Variants in FAP observed in about 807,000 individuals in gnomAD.
FAP encodes prolyl endopeptidase FAP.
A neutral mutation model predicts 126.5 loss-of-function variants in FAP; 110 were observed. The observed-to-expected ratio is 0.87, with a 90% confidence interval of 0.74 to 1.02. The LOEUF (loss-of-function observed/expected upper bound fraction) is 1.02, where lower values mean the gene tolerates loss of function less well. Ranked by LOEUF, FAP falls within the 50% of genes least tolerant of loss-of-function variation. The probability of loss-of-function intolerance (pLI) is 0.00; values close to 1 mark genes in which losing one functional copy is unlikely to be tolerated. For synonymous variants in FAP, 334 were observed against 297.3 expected, an observed-to-expected ratio of 1.12 and a Z score of -1.27; for missense variants, 919 against 909.2, an observed-to-expected ratio of 1.01 and a Z score of -0.14.
chr2:162,199,046 A>AAG (rs1688385582), intron 15 of FAP, among the ~76,000 whole-genome samples, 165 bp from the exon 16 acceptor site: 5 of 152,222 alleles, frequency 3.3e-5, no homozygotes, highest in Non-Finnish European at 5.9e-5. Context: ...ATTTTGATGT[A>AAG]GCTTGATTTT....
intron 2 of FAP, among the ~76,000 whole-genome samples, chr2:162,234,087 A>C (rs1055583778): frequency 6.6e-6 from 1 of 152,192 alleles, no homozygotes; most frequent in East Asian, 1.9e-4. Context: ...TGCCAGTAAC[A>C]CACTGTCTTG....
chr2:162,198,660 G>T, intron 16 of FAP, 97 bp downstream of exon 16: 2 of 1,354,986 alleles, frequency 1.5e-6, no homozygotes, highest in Non-Finnish European at 2.1e-6. Context: ...TATAACAAAT[G>T]CTCATTAACT....
intron 6 of FAP, among the ~76,000 whole-genome samples, chr2:162,222,248 C>A: frequency 6.6e-6 from 1 of 152,142 alleles, no homozygotes; most frequent in East Asian, 1.9e-4. Context: ...ACTCACTAAT[C>A]GAACGTTTCT....
At position 162,197,362 on chromosome 2, in the gene FAP, T is replaced by C. The variant is rs149739414; in HGVS notation, c.1402+1395A>G. 2.3e-3 allele frequency among the ~76,000 whole-genome samples: 343 copies of C among 152,348 alleles called. 3 individuals are homozygous for C. The highest frequency in any genetic ancestry group is 7.8e-3 in the African/African-American group (323 of 41,584). On this transcript the variant is annotated intron_variant, in intron 16 of 25. Transcript: ENST00000188790. ...CAGTATAGTTAGCTCAATGATACTA[T>C]GTGCCTGGCATGTAAGCTTTCAATC...
intron 17 of FAP, among the ~76,000 whole-genome samples, chr2:162,191,913 T>G (rs922286273): frequency 1.3e-5 from 2 of 152,140 alleles, no homozygotes; most frequent in Non-Finnish European, 2.9e-5. Flanking sequence ...GTTCCAACTT[T>G]CATGCAATTC....
At chr2:162,222,501 T>A (rs76799118) in intron 6 of FAP, among the ~76,000 whole-genome samples, 1,882 of 152,302 alleles carry the variant, frequency 0.012, 23 homozygotes, top group Middle Eastern at 0.044. Flanking sequence ...GATAATTTTT[T>A]AAAAAATTTT....
Position 162,218,031 on chromosome 2 carries a change from A to G in FAP, c.717T>C (p.Tyr239=), listed in dbSNP as rs548162158. Residue 239 remains tyrosine (Y), a synonymous_variant, in exon 9 of 26, where the codon TAT becomes TAC. Coordinates refer to ENST00000188790, the MANE Select transcript of FAP (RefSeq NM_004460.5). ...TTGTTCTAGGATATTGTTCATCGCC[A>G]TAATAGGAATAGGCAATAACTGGTA... ...TDIPVIAYSY[Y]GDEQYPRTIN... The G allele has an allele frequency of 1.5e-5, 24 of 1,605,494 alleles. No homozygotes were observed. The South Asian group carries it at 2.1e-4, about 14-fold the overall frequency.
At chr2:162,193,500 G>C (rs1688129456) in intron 17 of FAP, 1 of 152,262 alleles carries the variant, frequency 6.6e-6, no homozygotes, top group South Asian at 2.1e-4. Flanking sequence ...AGAAATTCAT[G>C]CTATGGAAAA....
chr2:162,184,960 T>A (rs1221424047), intron 20 of FAP, among the ~76,000 whole-genome samples: 3 of 152,142 alleles, frequency 2.0e-5, no homozygotes, highest in African/African-American at 7.2e-5. Context: ...TCTGAAAGGA[T>A]GACATTTACA....
intron 20 of FAP, 32 bp from the exon 21 acceptor site, chr2:162,183,500 TAA>T (rs1687762157): frequency 1.6e-6 from 2 of 1,276,172 alleles, no homozygotes; most frequent in East Asian, 4.6e-5. Context: ...TTTAGAATGT[TAA>T]GTGTATACAC....
chr2:162,191,751 C>T (rs1450231996), intron 17 of FAP, among the ~76,000 whole-genome samples: 1 of 152,086 alleles, frequency 6.6e-6, no homozygotes, highest in East Asian at 1.9e-4. Context: ...TTTTAATGAG[C>T]ATTTTCTGTG....
At chr2:162,174,193 T>C (rs894739821) in intron 22 of FAP, among the ~76,000 whole-genome samples, 2 of 152,074 alleles carry the variant, frequency 1.3e-5, no homozygotes, top group Non-Finnish European at 2.9e-5. Flanking sequence ...GGGATGAAAA[T>C]ATGTCCCTCA....
chr2:162,220,046 C>G, intron 6 of FAP, 121 bp from the exon 7 acceptor site: 1 of 681,586 alleles, frequency 1.5e-6, no homozygotes, highest in Admixed American at 2.7e-5. Flanking sequence ...CCTCTGCACC[C>G]ACAAACCTAA....
In FAP at chr2:162,226,735, C is replaced by T. The variant is rs1468150655; in HGVS notation, c.92-114G>A. On this transcript the variant is annotated intron_variant, in intron 2 of 25. Coordinates refer to ENST00000188790, the MANE Select transcript of FAP (RefSeq NM_004460.5). ...ATATAGTAATAAGATCTGCTGTTTG[C>T]TAAGTGGTTGTTGAACTCCTATCAT... 5.1e-6 allele frequency: 3 copies of T among 584,968 alleles called. No homozygotes were observed. In the African/African-American group the frequency reaches 5.9e-5, roughly 12 times the overall value. 36.2% of individuals were successfully genotyped at this position (584,968 alleles called of 1,614,324 possible). A position where few individuals can be genotyped will look rare whatever the true frequency, so the allele number is the denominator to read the frequency against.
At chr2:162,188,424 C>T (rs1319328807) in intron 19 of FAP, 61 bp from the exon 20 acceptor site, 10 of 1,428,458 alleles carry the variant, frequency 7.0e-6, no homozygotes, top group Non-Finnish European at 8.7e-6. Flanking sequence ...AATTTCCCAT[C>T]CTGGCCAAGC....
chr2:162,219,999 G>GA (rs1450769532), intron 6 of FAP, 74 bp from the exon 7 acceptor site: 8 of 1,008,784 alleles, frequency 7.9e-6, no homozygotes, highest in South Asian at 4.1e-5. Context: ...TGTATGAACA[G>GA]AAAAAATAAA....
At chr2:162,178,002 C>G in intron 21 of FAP, among the ~76,000 whole-genome samples, 1 of 152,172 alleles carries the variant, frequency 6.6e-6, no homozygotes, top group South Asian at 2.1e-4. Flanking sequence ...ACTCAGGACA[C>G]TTGTCTCAGC....
rs769019096 is a variant in FAP at position 162,203,187 on chromosome 2, A to T, written c.1048-42T>A. The stretch of plus-strand genomic sequence containing the variant: ...GAGGTTATGTTCAAAAGACAAACCA[A>T]ACTAAAACCATAGATTTTGTTTTAA... On this transcript the variant is annotated intron_variant, in intron 12 of 25. Coordinates refer to ENST00000188790, the MANE Select transcript of FAP (RefSeq NM_004460.5). 16 of 1,319,524 alleles carry T rather than the reference A, an allele frequency of 1.2e-5. No homozygotes were observed. In the African/African-American group the frequency reaches 1.3e-4, roughly 11 times the overall value. The allele number at this position is 1,319,524 out of a possible 1,614,324, so 81.7% of individuals were successfully genotyped here.
chr2:162,197,179 G>GA (rs1282980907), intron 16 of FAP, among the ~76,000 whole-genome samples: 2 of 152,174 alleles, frequency 1.3e-5, no homozygotes, highest in African/African-American at 4.8e-5. Context: ...TTTTTTGGTA[G>GA]ACTGCAAGGG....
Sources: allele counts gnomAD v4.1 joint callset (sites outside exome capture counted in the v4.1 genomes callset), GRCh38; gene constraint gnomAD v4.1.1; transcripts MANE v1.5; gene names NCBI Gene and HGNC (gene_info 2026-07-23, HGNC 2026-07-21).